Variants in CEACAM16 observed in about 807,000 individuals in gnomAD.
The protein encoded by CEACAM16 is cell adhesion molecule CEACAM16.
Under a neutral mutation model 39.4 loss-of-function variants are expected in CEACAM16, and 30 were observed. That is an observed-to-expected ratio of 0.76 (90% CI 0.57 to 1.03). The LOEUF (loss-of-function observed/expected upper bound fraction) is 1.03, where lower values mean the gene tolerates loss of function less well. Among genes scored for constraint, CEACAM16 ranks in the 50% least tolerant of loss-of-function variants. The pLI is 0.00. For synonymous variants in CEACAM16, 262 were observed against 264.9 expected (o/e 0.99, Z 0.11); for missense variants, 521 against 585.3 (o/e 0.89, Z 1.13).
At chr19:44,700,227 G>A (rs1019713526) in intron 1 of CEACAM16, among the ~76,000 whole-genome samples, 1 of 152,056 alleles carries the variant, frequency 6.6e-6, no homozygotes, top group Non-Finnish European at 1.5e-5. Flanking sequence ...GGCTGGTCTC[G>A]AACTCCTGAC....
intron 4 of CEACAM16, 109 bp downstream of exon 4, chr19:44,704,405 C>A (rs1974407736): frequency 1.5e-6 from 2 of 1,346,608 alleles, no homozygotes; most frequent in Admixed American, 2.9e-5. Context: ...AGCAGGCAAG[C>A]TGGGATTGGG....
chr19:44,710,660 C>G lies in CEACAM16; in HGVS notation c.*154C>G. On this transcript the variant is annotated 3_prime_UTR_variant, in exon 7 of 7. Coordinates refer to ENST00000587331, the MANE Select transcript of CEACAM16 (RefSeq NM_001039213.4). ...ACCCTAGAGCTAGAGCCACAGGGCCCCACTCCCTCGCTGAGCTGTTGGGGA... is the reference window on the plus strand; with the variant it reads ...ACCCTAGAGCTAGAGCCACAGGGCCGCACTCCCTCGCTGAGCTGTTGGGGA... 9.4e-7 allele frequency: 1 copy of G among 1,064,204 alleles called. No homozygotes were observed. The highest frequency in any genetic ancestry group is 1.4e-6 in the Non-Finnish European group (1 of 717,162). 65.9% of individuals were successfully genotyped at this position (1,064,204 alleles called of 1,614,324 possible). A position where few individuals can be genotyped will look rare whatever the true frequency, so the allele number is the denominator to read the frequency against.
chr19:44,708,282 C>T, intron 6 of CEACAM16, 95 bp downstream of exon 6: 3 of 1,233,038 alleles, frequency 2.4e-6, no homozygotes, highest in South Asian at 1.6e-5. Context: ...GGGACATAGA[C>T]CAAAGATGGA....
At chr19:44,699,545 T>C (rs2122183249) in intron 1 of CEACAM16, 1 of 395,142 alleles carries the variant, frequency 2.5e-6, no homozygotes, top group Admixed American at 3.4e-5. Flanking sequence ...CCCAGCTAAT[T>C]TTTGTATTTT....
chr19:44,701,433 C>G lies in CEACAM16; in HGVS notation c.-24C>G. On this transcript the variant is annotated 5_prime_UTR_variant, in exon 2 of 7. Transcript: ENST00000587331. This position sits in a 1 kb window ranked among gnomAD's most constrained non-coding sequence, Gnocchi z 4.0. ...CACTGGGACTTCAACGCCACCATCT[C>G]CAAGACTCGGTTTGGGGTGAAAGAT... is the stretch of plus-strand genomic sequence containing the variant. 6.4e-7 allele frequency: 1 copy of G among 1,558,908 alleles called. No homozygotes were observed. Among genetic ancestry groups the G allele is most frequent in the Non-Finnish European group, 8.7e-7 (1 of 1,150,778 alleles).
intron 6 of CEACAM16, 127 bp downstream of exon 6, chr19:44,708,314 A>C: frequency 1.0e-6 from 1 of 994,292 alleles, no homozygotes; most frequent in Non-Finnish European, 1.4e-6. Flanking sequence ...CATCAGGCTG[A>C]AGGAAGCAGC....
At chr19:44,702,575 A>G (rs1334574525) in intron 2 of CEACAM16, among the ~76,000 whole-genome samples, 1 of 152,260 alleles carries the variant, frequency 6.6e-6, no homozygotes, top group Non-Finnish European at 1.5e-5. Context: ...AAACCCAAGC[A>G]GCCCCGACCA....
intron 1 of CEACAM16, chr19:44,699,533 C>T: frequency 2.4e-6 from 1 of 410,094 alleles, no homozygotes; most frequent in Non-Finnish European, 4.9e-6. Context: ...CCCGCGACCA[C>T]ACCCAGCTAA....
chr19:44,710,484 T>C lies in CEACAM16; in HGVS notation c.1268-12T>C. The C allele has an allele frequency of 6.2e-7, 1 of 1,612,270 alleles. No homozygotes were observed. The highest frequency in any genetic ancestry group is 8.5e-7 in the Non-Finnish European group (1 of 1,178,760). On this transcript the variant is annotated splice_polypyrimidine_tract_variant and intron_variant, in intron 6 of 6. Coordinates refer to ENST00000587331, the MANE Select transcript of CEACAM16 (RefSeq NM_001039213.4). ...CATCCTCCTTCGCCCCCTCGCCCCA[T>C]ATGCCCCACAGCCCTGGGGTAACAG...
intron 5 of CEACAM16, among the ~76,000 whole-genome samples, chr19:44,706,469 G>A (rs559792358): frequency 1.4e-4 from 21 of 152,236 alleles, no homozygotes; most frequent in East Asian, 9.7e-4. Context: ...CTCATCTTCC[G>A]GAGATGGTGG....
chr19:44,705,147 G>C (rs1974421801), intron 4 of CEACAM16, among the ~76,000 whole-genome samples: 1 of 152,176 alleles, frequency 6.6e-6, no homozygotes, highest in South Asian at 2.1e-4. Flanking sequence ...TCTAGACGCA[G>C]AGATTCTTAG....
In CEACAM16 at chr19:44,701,002, C is replaced by T. The variant is rs796492744; in HGVS notation, c.-96-359C>T. Among the ~76,000 whole-genome samples the T allele has an allele frequency of 6.6e-6, 1 of 152,194 alleles. No individual in the cohort carries two copies. The highest frequency in any genetic ancestry group is 2.4e-5 in the African/African-American group (1 of 41,460). On this transcript the variant is annotated intron_variant, in intron 1 of 6. Coordinates refer to ENST00000587331, the MANE Select transcript of CEACAM16 (RefSeq NM_001039213.4). The surrounding 1 kb of genome is among the most constrained non-coding windows in gnomAD (Gnocchi z 4.0). ...TCCGCTGAGACAACACCTGTAGGTC[C>T]CCTGCACTGGGTGGGGCTGGGAAAG...
In CEACAM16 at chr19:44,703,538, C is replaced by T. The variant is rs777915893; in HGVS notation, c.227C>T (p.Thr76Ile). Residue 76 changes from threonine (T) to isoleucine (I), a missense_variant, in exon 3 of 7, where the codon ACT becomes ATT. Physicochemically the swap from Thr to Ile is moderately conservative, Grantham distance 89. Coordinates refer to ENST00000587331, the MANE Select transcript of CEACAM16 (RefSeq NM_001039213.4). Reference sequence around the variant, plus strand: ...TACATCGTGAGCACAGGCGATGAGACTCCTGGCCCGGCCCACACGGGGCGG... The same window carrying T: ...TACATCGTGAGCACAGGCGATGAGATTCCTGGCCCGGCCCACACGGGGCGG... ...ASYIVSTGDE[T>I]PGPAHTGREA... 2 of 1,613,512 alleles carry T rather than the reference C, an allele frequency of 1.2e-6. No homozygotes were observed. The highest frequency in any genetic ancestry group is 2.2e-5 in the South Asian group (2 of 91,074).
At chr19:44,699,482 T>C (rs1389541377) in intron 1 of CEACAM16, 3 of 456,806 alleles carry the variant, frequency 6.6e-6, no homozygotes, top group Non-Finnish European at 4.5e-6. Context: ...GTTCAAGCAA[T>C]TCTCCTGCTT....
Position 44,710,635 on chromosome 19 carries a change from A to G in CEACAM16, c.*129A>G. The G allele has an allele frequency of 7.4e-7, 1 of 1,352,830 alleles. No homozygotes were observed. Among genetic ancestry groups the G allele is most frequent in the Non-Finnish European group, 1.0e-6 (1 of 954,528 alleles). 83.8% of individuals were successfully genotyped at this position (1,352,830 alleles called of 1,614,324 possible). A position where few individuals can be genotyped will look rare whatever the true frequency, so the allele number is the denominator to read the frequency against. ...GTGGTCCTGCTGTTCTCCTGCCTCC[A>G]CCCTAGAGCTAGAGCCACAGGGCCC... On this transcript the variant is annotated 3_prime_UTR_variant, in exon 7 of 7. Transcript: ENST00000587331.
chr19:44,705,871 G>A lies in CEACAM16; in HGVS notation c.940+3G>A. Reference sequence around the variant, plus strand: ...CTCAGTCGTGGTCAAGCTCTCTGGTGAGTCACCCCCAGCCTGACCACCCCC... The same window carrying A: ...CTCAGTCGTGGTCAAGCTCTCTGGTAAGTCACCCCCAGCCTGACCACCCCC... On this transcript the variant is annotated splice_donor_region_variant and intron_variant, in intron 5 of 6. Coordinates refer to ENST00000587331, the MANE Select transcript of CEACAM16 (RefSeq NM_001039213.4). The A allele has an allele frequency of 6.2e-7, 1 of 1,609,130 alleles. No homozygotes were observed. Among genetic ancestry groups the A allele is most frequent in the Non-Finnish European group, 8.5e-7 (1 of 1,176,086 alleles).
Position 44,705,732 on chromosome 19 carries a change from G to C in CEACAM16, c.804G>C (p.Gly268=). The C allele has an allele frequency of 1.2e-6, 2 of 1,613,996 alleles. No individual in the cohort carries two copies. Among genetic ancestry groups the C allele is most frequent in the Non-Finnish European group, 1.7e-6 (2 of 1,179,890 alleles). Residue 268 remains glycine, a synonymous_variant, in exon 5 of 7, where the codon GGG becomes GGC. Transcript: ENST00000587331. ...CCGAGTATGTGTGGACCTTCAACGG[G>C]CAGGCCCTAAAGAACGGCCAAGACC... ...PEPEYVWTFN[G]QALKNGQDHL...
intron 2 of CEACAM16, 119 bp from the exon 3 acceptor site, chr19:44,703,230 C>T (rs1450016731): frequency 2.3e-6 from 2 of 857,828 alleles, no homozygotes; most frequent in South Asian, 2.0e-5. Flanking sequence ...TTTGCCTGTC[C>T]TCATTTACAC....
At chr19:44,707,046 A>G (rs1245743072) in intron 5 of CEACAM16, among the ~76,000 whole-genome samples, 3 of 152,224 alleles carry the variant, frequency 2.0e-5, no homozygotes, top group Admixed American at 6.5e-5. Context: ...GGGAGATATG[A>G]CAACCCACCC....
Sources: gnomAD v4.1 joint callset for allele counts (sites outside exome capture counted in the v4.1 genomes callset) on GRCh38, gnomAD v4.1.1 for gene constraint, Gnocchi (gnomAD v3.1) non-coding constraint, MANE v1.5 for transcripts, NCBI Gene and HGNC (gene_info 2026-07-23, HGNC 2026-07-21) for gene names.